ITGB7: variants seen among roughly 807,000 people sequenced by gnomAD.
ITGB7 encodes integrin beta-7.
A neutral mutation model predicts 83.4 loss-of-function variants in ITGB7; 55 were observed. The observed-to-expected ratio is 0.66, with a 90% CI of 0.53 to 0.83. The LOEUF is 0.83. ITGB7 is among the 40% of genes least tolerant of loss of function. The pLI, the probability that ITGB7 is intolerant of heterozygous loss-of-function variation, is 0.00. For synonymous variants in ITGB7, 454 were observed against 423.6 expected (o/e 1.07, Z -0.88); for missense variants, 921 against 1,046.7 (o/e 0.88, Z 1.66).
Position 53,191,452 on chromosome 12 carries a change from G to C in ITGB7, c.*104C>G. 4 of 914,558 alleles carry C rather than the reference G, an allele frequency of 4.4e-6. No homozygotes were observed. The highest frequency in any genetic ancestry group is 7.3e-6 in the Non-Finnish European group (4 of 547,766). 56.7% of individuals were successfully genotyped at this position (914,558 alleles called of 1,614,324 possible). Reference sequence around the variant, plus strand: ...AGGGTGGTGGCCGCACCTCGCCAGTGAATTAGTCCCCTACCAAGGTCTTAC... The same window carrying C: ...AGGGTGGTGGCCGCACCTCGCCAGTCAATTAGTCCCCTACCAAGGTCTTAC... On this transcript the variant is annotated 3_prime_UTR_variant, in exon 16 of 16. Transcript: ENST00000267082.
chr12:53,196,061 A>T lies in ITGB7; in HGVS notation c.955T>A (p.Tyr319Asn). ...GHCHLDSNGL[Y>N]SRSTEFDYPS... is the part of the protein sequence containing the mutation. The stretch of plus-strand genomic sequence containing the variant: ...CTCACAAACTCTGTGCTGCGACTGT[A>T]GAGGCCATTGCTGTCCAAGTGGCAG... The change falls in exon 7 of 16, where the codon TAC becomes AAC. Residue 319 changes from tyrosine (Y) to asparagine (N), a missense_variant. By Grantham distance (143) the Tyr-to-Asn change is moderately radical (BLOSUM62 -2). Coordinates refer to ENST00000267082, the MANE Select transcript of ITGB7 (RefSeq NM_000889.3). The T allele has an allele frequency of 1.2e-6, 2 of 1,614,172 alleles. No homozygotes were observed. Among genetic ancestry groups the T allele is most frequent in the Non-Finnish European group, 1.7e-6 (2 of 1,180,018 alleles).
intron 1 of ITGB7, among the ~76,000 whole-genome samples, chr12:53,205,797 G>A (rs1342818361): frequency 1.3e-5 from 2 of 152,154 alleles, no homozygotes; most frequent in African/African-American, 4.8e-5. Flanking sequence ...CAGAGTGTGG[G>A]AAAGGGGTGG....
At chr12:53,195,348 C>T in intron 9 of ITGB7, 26 bp downstream of exon 9, 2 of 1,549,262 alleles carry the variant, frequency 1.3e-6, no homozygotes, top group Non-Finnish European at 1.8e-6. Context: ...CCACCCTCAC[C>T]ATCTCCCCTT....
rs528374771 is a variant in ITGB7 at position 53,194,446 on chromosome 12, C to T, written c.1162-102G>A. The T allele has an allele frequency of 1.8e-5, 21 of 1,170,086 alleles. No individual in the cohort carries two copies. In the African/African-American group the frequency reaches 3.0e-4, roughly 17 times the overall value. 72.5% of individuals were successfully genotyped at this position (1,170,086 alleles called of 1,614,324 possible). A position where few individuals can be genotyped will look rare whatever the true frequency, so the allele number is the denominator to read the frequency against. ...GTTCCCAATTCTGCCAGCACCCTGCCCTCTGCCACCTGGGGCTCCTTCCAT... is the reference window on the plus strand; with the variant it reads ...GTTCCCAATTCTGCCAGCACCCTGCTCTCTGCCACCTGGGGCTCCTTCCAT... On this transcript the variant is annotated intron_variant, in intron 9 of 15. Coordinates refer to ENST00000267082, the MANE Select transcript of ITGB7 (RefSeq NM_000889.3).
In ITGB7 at chr12:53,197,571, C is replaced by G; in HGVS notation, c.496G>C (p.Asp166His). ...YLMDLSYSMKDDLERVRQLGH... is the reference protein window; with the variant it reads ...YLMDLSYSMKHDLERVRQLGH... ...AGCTGGCGCACGCGTTCCAGGTCGT[C>G]CTTCATGGAGTAGCTCAGGTCCATA... Residue 166 changes from aspartate to histidine, a missense_variant, in exon 5 of 16, where the codon GAC (aspartate) becomes CAC (histidine). By Grantham distance (81) the Asp-to-His change is moderately conservative (BLOSUM62 -1). Transcript: ENST00000267082. 6.2e-7 allele frequency: 1 copy of G among 1,614,206 alleles called. No individual in the cohort carries two copies. The highest frequency in any genetic ancestry group is 8.5e-7 in the Non-Finnish European group (1 of 1,180,024).
chr12:53,203,789 G>T (rs1385266874), intron 1 of ITGB7, among the ~76,000 whole-genome samples: 2 of 151,994 alleles, frequency 1.3e-5, no homozygotes, highest in African/African-American at 2.4e-5. Flanking sequence ...TGGAGAAATT[G>T]GGATCTTTAT....
Position 53,196,624 on chromosome 12 carries a change from C to G in ITGB7, c.771G>C (p.Ser257=). The G allele has an allele frequency of 6.2e-7, 1 of 1,613,486 alleles. No individual in the cohort carries two copies. The highest frequency in any genetic ancestry group is 8.5e-7 in the Non-Finnish European group (1 of 1,179,676). The part of the protein sequence containing the change: ...GRQSVSGNLD[S]PEGGFDAILQ... ...GAATGGCATCGAAGCCACCTTCAGG[C>G]GAGTCCAGATTGCCGGACACACTCT... Residue 257 remains serine, a synonymous_variant, in exon 6 of 16, where the codon TCG becomes TCC. Coordinates refer to ENST00000267082, the MANE Select transcript of ITGB7 (RefSeq NM_000889.3).
intron 15 of ITGB7, 52 bp from the exon 16 acceptor site, chr12:53,191,688 C>T: frequency 6.4e-7 from 1 of 1,559,982 alleles, no homozygotes; most frequent in Non-Finnish European, 8.8e-7. Context: ...TTCCTCGTCC[C>T]CTTTCTAGAC....
intron 1 of ITGB7, among the ~76,000 whole-genome samples, chr12:53,203,668 A>AAG (rs1565709812): frequency 7.3e-5 from 10 of 137,402 alleles, no homozygotes; most frequent in African/African-American, 2.6e-4. Context: ...AAAAAAAAAA[A>AAG]AAAGAAAGAA....
In ITGB7 at chr12:53,196,825, G is replaced by A; in HGVS notation, c.575-5C>T. 1 of 1,590,334 alleles carries A rather than the reference G, an allele frequency of 6.3e-7. No individual in the cohort carries two copies. Among genetic ancestry groups the A allele is most frequent in the Non-Finnish European group, 8.6e-7 (1 of 1,161,928 alleles). Reference sequence around the variant, plus strand: ...TGTCCACAAAGGAACCAAAACCTGGGAGAGGAGAGGAATGAAGGTTGTGCC... The same window carrying A: ...TGTCCACAAAGGAACCAAAACCTGGAAGAGGAGAGGAATGAAGGTTGTGCC... On this transcript the variant is annotated splice_polypyrimidine_tract_variant and splice_region_variant and intron_variant, in intron 5 of 15. Coordinates refer to ENST00000267082, the MANE Select transcript of ITGB7 (RefSeq NM_000889.3).
intron 1 of ITGB7, among the ~76,000 whole-genome samples, chr12:53,206,994 T>C (rs1942457293): frequency 6.6e-6 from 1 of 152,104 alleles, no homozygotes; most frequent in Non-Finnish European, 1.5e-5. Context: ...ATTGGGCTTT[T>C]GGAGAGGTGG....
At chr12:53,203,207 C>G (rs778959925) in intron 1 of ITGB7, among the ~76,000 whole-genome samples, 18 of 152,114 alleles carry the variant, frequency 1.2e-4, no homozygotes, top group Admixed American at 3.9e-4. Flanking sequence ...ATATAACGAA[C>G]TCTTACAATT....
rs1565701319 is a variant in ITGB7, at chr12:53,194,362, G to A, written c.1162-18C>T. 1 of 1,613,596 alleles carries A rather than the reference G, an allele frequency of 6.2e-7. No homozygotes were observed. Among genetic ancestry groups the A allele is most frequent in the South Asian group, 1.1e-5 (1 of 91,040 alleles). On this transcript the variant is annotated intron_variant, in intron 9 of 15. Coordinates refer to ENST00000267082, the MANE Select transcript of ITGB7 (RefSeq NM_000889.3). ...GACAGGCTCTATGGGAAGAGAGCGA[G>A]TGGATAACCACGTGAAGGCAGAAAA... is the stretch of plus-strand genomic sequence containing the variant.
intron 2 of ITGB7, 24 bp from the exon 3 acceptor site, chr12:53,200,470 C>G: frequency 6.2e-7 from 1 of 1,602,654 alleles, no homozygotes; most frequent in Non-Finnish European, 8.5e-7. Context: ...TAAAGGGGGA[C>G]ATGTGGGTCC....
intron 7 of ITGB7, 93 bp downstream of exon 7, chr12:53,195,948 T>C: frequency 1.4e-6 from 2 of 1,445,004 alleles, no homozygotes; most frequent in South Asian, 1.2e-5. Context: ...ACAGGGTGGT[T>C]ACTGGTGAGG....
rs376216888 is a variant in ITGB7, at chr12:53,197,668, G to T, written c.404-5C>A. 2.2e-5 allele frequency: 35 copies of T among 1,613,144 alleles called. No homozygotes were observed. Among genetic ancestry groups the T allele is most frequent in the South Asian group, 3.3e-5 (3 of 91,002 alleles). ...CCTGGAGCTGCTGGGGCTCCCCTAG[G>T]GGGTGGGCGGCGGGCGGGTCAGCAG... On this transcript the variant is annotated splice_polypyrimidine_tract_variant and splice_region_variant and intron_variant, in intron 4 of 15. Transcript: ENST00000267082.
intron 11 of ITGB7, 50 bp downstream of exon 11, chr12:53,193,658 T>G: frequency 2.7e-6 from 4 of 1,490,132 alleles, no homozygotes; most frequent in Non-Finnish European, 3.7e-6. Flanking sequence ...CGGGCCAGGG[T>G]TGGTTGGTTG....
rs763665402 is a variant in ITGB7, at chr12:53,196,691, A to G, written c.704T>C (p.Leu235Pro). Residue 235 changes from leucine to proline, a missense_variant, in exon 6 of 16, where the codon CTG becomes CCG. Physicochemically the swap from Leu to Pro is moderately conservative, Grantham distance 98. Transcript: ENST00000267082. ...SPFSFHHVLS[L>P]TGDAQAFERE... is the part of the protein sequence containing the mutation. ...CTCGAAGGCTTGTGCGTCCCCCGTC[A>G]GGGACAGCACATGGTGAAAGCTGAA... 2.5e-6 allele frequency: 4 copies of G among 1,612,312 alleles called. No individual in the cohort carries two copies. In the South Asian group the frequency reaches 3.3e-5, roughly 13 times the overall value.
At chr12:53,199,948 C>A (rs1011040354) in intron 3 of ITGB7, among the ~76,000 whole-genome samples, 2 of 152,222 alleles carry the variant, frequency 1.3e-5, no homozygotes, top group Admixed American at 6.5e-5. Context: ...TGAATTCCCA[C>A]AAGCACATAC....
Sources: gnomAD v4.1 joint callset for allele counts (sites outside exome capture counted in the v4.1 genomes callset) on GRCh38, gnomAD v4.1.1 for gene constraint, MANE v1.5 for transcripts, NCBI Gene and HGNC (gene_info 2026-07-23, HGNC 2026-07-21) for gene names.